CUL9: variants seen among roughly 807,000 people sequenced by gnomAD.
CUL9 encodes the protein cullin 9, also known as cullin-9.
A neutral mutation model predicts 272.6 loss-of-function variants in CUL9; 79 were observed. That is an observed-to-expected ratio of 0.29 (90% confidence interval 0.24 to 0.35). The LOEUF (loss-of-function observed/expected upper bound fraction) is 0.35, where lower values mean the gene tolerates loss of function less well. CUL9 is among the 10% of genes least tolerant of loss of function. The pLI, the probability that CUL9 is intolerant of heterozygous loss-of-function variation, is 1.00. For missense variants in CUL9, 2,532 were observed against 3,255.6 expected, an observed-to-expected ratio of 0.78 and a Z score of 5.41; for synonymous variants, 1,186 against 1,286.5, an observed-to-expected ratio of 0.92 and a Z score of 1.67.
intron 31 of CUL9, among the ~76,000 whole-genome samples, chr6:43,217,995 A>G (rs6938026): frequency 0.31 from 47,227 of 151,942 alleles, 9,234 homozygotes; most frequent in African/African-American, 0.56. Flanking sequence ...GGAGACACTC[A>G]GAGGTGAAGT....
At position 43,187,392 on chromosome 6, in the gene CUL9, T is replaced by G; in HGVS notation, c.1534T>G (p.Cys512Gly). Residue 512 changes from cysteine to glycine, a missense_variant, in exon 6 of 41, where the codon TGT becomes GGT. By Grantham distance (159) the Cys-to-Gly change is radical (BLOSUM62 -3). Coordinates refer to ENST00000252050, the MANE Select transcript of CUL9 (RefSeq NM_015089.4). ...LLFFIKKLDL[C>G]EQQPIFQNLW... Reference sequence around the variant, plus strand: ...TTTCTTTATCAAAAAGTTGGACTTGTGTGAGCAGCAGCCAATTTTCCAGAA... The same window carrying G: ...TTTCTTTATCAAAAAGTTGGACTTGGGTGAGCAGCAGCCAATTTTCCAGAA... 6.2e-7 allele frequency: 1 copy of G among 1,614,086 alleles called. No individual in the cohort carries two copies. Among genetic ancestry groups the G allele is most frequent in the Non-Finnish European group, 8.5e-7 (1 of 1,179,978 alleles).
Position 43,224,009 on chromosome 6 carries a change from C to T in CUL9, c.7285-86C>T. On this transcript the variant is annotated intron_variant, in intron 39 of 40. Coordinates refer to ENST00000252050, the MANE Select transcript of CUL9 (RefSeq NM_015089.4). The surrounding 1 kb of genome is among the most constrained non-coding windows in gnomAD (Gnocchi z 4.2). ...GAGCAGTCCTAGCAGGAGCTTGGCC[C>T]TCCCAGAGCATCAGTGGAAGGAATG... 1 of 1,344,988 alleles carries T rather than the reference C, an allele frequency of 7.4e-7. No homozygotes were observed. The highest frequency in any genetic ancestry group is 1.1e-6 in the Non-Finnish European group (1 of 936,340). The allele number at this position is 1,344,988 out of a possible 1,614,324, so 83.3% of individuals were successfully genotyped here. A position where few individuals can be genotyped will look rare whatever the true frequency, so the allele number is the denominator to read the frequency against.
intron 3 of CUL9, 105 bp downstream of exon 3, chr6:43,185,715 G>A (rs1342713704): frequency 2.2e-6 from 3 of 1,370,428 alleles, no homozygotes; most frequent in Non-Finnish European, 2.9e-6. Context: ...CTGGGAACTT[G>A]TTAACATGAA....
At position 43,187,114 on chromosome 6, in the gene CUL9, A is replaced by G. The variant is rs372864577; in HGVS notation, c.1387+19A>G. 172 of 1,613,372 alleles carry G rather than the reference A, an allele frequency of 1.1e-4. No homozygotes were observed. In the Admixed American group the frequency reaches 2.8e-3, roughly 26 times the overall value. On this transcript the variant is annotated intron_variant, in intron 5 of 40. Coordinates refer to ENST00000252050, the MANE Select transcript of CUL9 (RefSeq NM_015089.4). ...GGCACAGGTGAGCCTAAGAGGGGAC[A>G]TGGATAGCATGTCTCTGAACAGAGG...
chr6:43,194,510 G>A (rs534225269), intron 9 of CUL9, among the ~76,000 whole-genome samples: 163 of 151,368 alleles, frequency 1.1e-3, no homozygotes, highest in Middle Eastern at 3.4e-3. Flanking sequence ...TAGTAGAGAC[G>A]GGGTTTCACC....
Position 43,221,525 on chromosome 6 carries a change from A to G in CUL9, c.6753-160A>G. 1 of 876,706 alleles carries G rather than the reference A, an allele frequency of 1.1e-6. No individual in the cohort carries two copies. Among genetic ancestry groups the G allele is most frequent in the Non-Finnish European group, 1.7e-6 (1 of 578,984 alleles). 54.3% of individuals were successfully genotyped at this position (876,706 alleles called of 1,614,324 possible). A position where few individuals can be genotyped will look rare whatever the true frequency, so the allele number is the denominator to read the frequency against. On this transcript the variant is annotated intron_variant, in intron 34 of 40. Coordinates refer to ENST00000252050, the MANE Select transcript of CUL9 (RefSeq NM_015089.4). The surrounding 1 kb of genome is among the most constrained non-coding windows in gnomAD (Gnocchi z 4.2). The stretch of plus-strand genomic sequence containing the variant: ...AAGTCCACACTGACTGGGGGAGTTC[A>G]AAAGCAGAGGTGCATTCAGCAGGGC...
chr6:43,222,995 C>T (rs939056720), intron 38 of CUL9, 99 bp downstream of exon 38: 11 of 1,011,496 alleles, frequency 1.1e-5, no homozygotes, highest in African/African-American at 1.6e-5. Flanking sequence ...CTTACCTTCC[C>T]TCTCTCCTCT....
At position 43,221,339 on chromosome 6, in the gene CUL9, G is replaced by C. The variant is rs543918049; in HGVS notation, c.6752+18G>C. 5.7e-6 allele frequency: 9 copies of C among 1,592,702 alleles called. No homozygotes were observed. In the South Asian group the frequency reaches 9.9e-5, roughly 18 times the overall value. On this transcript the variant is annotated intron_variant, in intron 34 of 40. Coordinates refer to ENST00000252050, the MANE Select transcript of CUL9 (RefSeq NM_015089.4). This position sits in a 1 kb window ranked among gnomAD's most constrained non-coding sequence, Gnocchi z 4.2. ...TGCCTGCAGTAAGAAGGGGGGTACT[G>C]TGGGGAGCCAGAGGGCAAGGAGGGG... is the stretch of plus-strand genomic sequence containing the variant.
rs756477251 is a variant in CUL9 at position 43,213,942 on chromosome 6, G to A, written c.5688+30G>A. ...GCAGAGAGGGGACCATGAAGTTGGC[G>A]GAGGGAGGGAGTCATGCTTGGGATT... On this transcript the variant is annotated intron_variant, in intron 29 of 40. Transcript: ENST00000252050. The surrounding 1 kb of genome is among the most constrained non-coding windows in gnomAD (Gnocchi z 5.7). The A allele has an allele frequency of 3.0e-5, 48 of 1,608,462 alleles. No individual in the cohort carries two copies. Among genetic ancestry groups the A allele is most frequent in the South Asian group, 1.3e-4 (12 of 90,982 alleles).
chr6:43,201,062 T>C (rs1188133419), intron 16 of CUL9, among the ~76,000 whole-genome samples: 1 of 152,238 alleles, frequency 6.6e-6, no homozygotes, highest in Non-Finnish European at 1.5e-5. Context: ...CACTGCCCTG[T>C]GCTTAGTGTT....
chr6:43,188,842 C>A (rs977760024), intron 8 of CUL9, 127 bp downstream of exon 8: 7 of 716,904 alleles, frequency 9.8e-6, no homozygotes, highest in East Asian at 2.7e-5. Flanking sequence ...GCCTGAGGAG[C>A]AGCCGAGCAG....
Position 43,223,100 on chromosome 6 carries a change from G to A in CUL9, c.7151-164G>A. ...GGTGCCCAAGGGCGCAGATGTTCGT[G>A]GATGTTTCTTGGTTTCTGGTCTTTA... is the stretch of plus-strand genomic sequence containing the variant. On this transcript the variant is annotated intron_variant, in intron 38 of 40. Transcript: ENST00000252050. The surrounding 1 kb of genome is among the most constrained non-coding windows in gnomAD (Gnocchi z 4.1). The A allele has an allele frequency of 9.2e-7, 1 of 1,086,528 alleles. No homozygotes were observed. Among genetic ancestry groups the A allele is most frequent in the Non-Finnish European group, 1.3e-6 (1 of 766,074 alleles). The allele number at this position is 1,086,528 out of a possible 1,614,324, so 67.3% of individuals were successfully genotyped here. A position where few individuals can be genotyped will look rare whatever the true frequency, so the allele number is the denominator to read the frequency against.
rs759860242 is a variant in CUL9 at position 43,203,604 on chromosome 6, C to T, written c.4025+12C>T. The stretch of plus-strand genomic sequence containing the variant: ...CAGCTCTGTCCCAGGTGGGTGGGGC[C>T]TGAGGAGGGAAGATGGGTAAGGGAA... On this transcript the variant is annotated intron_variant, in intron 19 of 40. Coordinates refer to ENST00000252050, the MANE Select transcript of CUL9 (RefSeq NM_015089.4). This position sits in a 1 kb window ranked among gnomAD's most constrained non-coding sequence, Gnocchi z 5.0. 2.0e-5 allele frequency: 32 copies of T among 1,610,762 alleles called. No individual in the cohort carries two copies. Among genetic ancestry groups the T allele is most frequent in the African/African-American group, 2.7e-5 (2 of 74,804 alleles).
Position 43,187,874 on chromosome 6 carries a change from C to G in CUL9, c.1743C>G (p.Ser581Arg). 3.1e-6 allele frequency: 5 copies of G among 1,614,108 alleles called. No individual in the cohort carries two copies. Among genetic ancestry groups the G allele is most frequent in the Non-Finnish European group, 4.2e-6 (5 of 1,180,026 alleles). ...KYGLLSNEPS[S>R]SSTSRNHSCT... is the part of the protein sequence containing the mutation. The stretch of plus-strand genomic sequence containing the variant: ...GGCTGCTGTCTAATGAACCAAGCAG[C>G]TCGTCTACTTCACGAAATCACTCCT... Residue 581 changes from serine (S) to arginine (R), a missense_variant, in exon 7 of 41, where the codon AGC (serine) becomes AGG (arginine). Ser to Arg is a moderately radical substitution (Grantham distance 110, BLOSUM62 -1). Around this residue, in one of 3 missense-constraint regions of CUL9, gnomAD observed 2,218 missense variants for 2,788.6 expected, o/e 0.80. Coordinates refer to ENST00000252050, the MANE Select transcript of CUL9 (RefSeq NM_015089.4).
intron 26 of CUL9, among the ~76,000 whole-genome samples, chr6:43,212,013 T>C (rs572188460): frequency 7.2e-5 from 11 of 152,358 alleles, no homozygotes; most frequent in African/African-American, 2.4e-4. Flanking sequence ...TCCCATTTTA[T>C]CCTCCTTGCA....
At chr6:43,195,053 T>C (rs1773880940) in intron 9 of CUL9, among the ~76,000 whole-genome samples, 1 of 152,142 alleles carries the variant, frequency 6.6e-6, no homozygotes, top group African/African-American at 2.4e-5. Flanking sequence ...AGACTTCATC[T>C]CAAAAAAATC....
At chr6:43,205,829 C>CAAAAAAAAAAA in intron 24 of CUL9, among the ~76,000 whole-genome samples, 178 bp from the exon 25 acceptor site, 1 of 80,092 alleles carries the variant, frequency 1.2e-5, no homozygotes, top group East Asian at 3.8e-4. Context: ...GACTCCGTCT[C>CAAAAAAAAAAA]AAAAAAAAAA....
In CUL9 at chr6:43,203,839, A is replaced by T. The variant is rs1373147046; in HGVS notation, c.4026-15A>T. Reference sequence around the variant, plus strand: ...CGGTGCCATTAATCCTCCGCCATGCACTGTTTGTTCCCAGACTGAACAGGG... The same window carrying T: ...CGGTGCCATTAATCCTCCGCCATGCTCTGTTTGTTCCCAGACTGAACAGGG... On this transcript the variant is annotated splice_polypyrimidine_tract_variant and intron_variant, in intron 19 of 40. Transcript: ENST00000252050. The surrounding 1 kb of genome is among the most constrained non-coding windows in gnomAD (Gnocchi z 5.0). The T allele has an allele frequency of 2.4e-5, 39 of 1,600,180 alleles. No individual in the cohort carries two copies. The highest frequency in any genetic ancestry group is 3.0e-5 in the Non-Finnish European group (35 of 1,171,672).
rs1157958012 is a variant in CUL9, at chr6:43,187,275, G to C, written c.1417G>C (p.Asp473His). 1.2e-6 allele frequency: 2 copies of C among 1,613,896 alleles called. No individual in the cohort carries two copies. The highest frequency in any genetic ancestry group is 4.5e-5 in the East Asian group (2 of 44,900). The part of the protein sequence containing the change: ...AFPSWDWNPM[D>H]GLYPLPYLQP... ...TCCCTCCTGGGACTGGAATCCTATG[G>C]ATGGGCTGTACCCTTTGCCGTACCT... Residue 473 changes from aspartate (D) to histidine (H), a missense_variant, in exon 6 of 41, where the codon GAT (aspartate) becomes CAT (histidine). This residue lies in a region of CUL9 where 2,218 missense variants were observed against 2,788.6 expected (regional missense o/e 0.80). Coordinates refer to ENST00000252050, the MANE Select transcript of CUL9 (RefSeq NM_015089.4).
Sources: gnomAD v4.1 joint callset for allele counts (sites outside exome capture counted in the v4.1 genomes callset) on GRCh38, gnomAD v4.1.1 for gene constraint, gnomAD v4.1.1 regional missense constraint, Gnocchi (gnomAD v3.1) non-coding constraint, MANE v1.5 for transcripts, NCBI Gene and HGNC (gene_info 2026-07-23, HGNC 2026-07-21) for gene names.